DYNC1I1: variants seen among roughly 807,000 people sequenced by gnomAD.
DYNC1I1 encodes dynein cytoplasmic 1 intermediate chain 1.
Under a neutral mutation model 86.6 loss-of-function variants are expected in DYNC1I1, and 43 were observed. The observed-to-expected ratio is 0.50, with a 90% CI of 0.39 to 0.64. The LOEUF (loss-of-function observed/expected upper bound fraction) is 0.64. Among genes scored for constraint, DYNC1I1 ranks in the 30% least tolerant of loss-of-function variants. The pLI, the probability that DYNC1I1 is intolerant of heterozygous loss-of-function variation, is 0.00. For missense variants in DYNC1I1, 604 were observed against 788.8 expected (o/e 0.77, Z 2.81); for synonymous variants, 262 against 283.7 (o/e 0.92, Z 0.77).
At chr7:95,854,465 A>G (rs1322977217) in intron 5 of DYNC1I1, among the ~76,000 whole-genome samples, 1 of 152,098 alleles carries the variant, frequency 6.6e-6, no homozygotes, top group Non-Finnish European at 1.5e-5. Flanking sequence ...CTGTGTCACA[A>G]TATGTATTTT....
intron 10 of DYNC1I1, among the ~76,000 whole-genome samples, chr7:96,025,442 G>C (rs1022416828): frequency 1.3e-5 from 2 of 151,494 alleles, no homozygotes; most frequent in South Asian, 4.2e-4. Flanking sequence ...AAAAAAAAAA[G>C]TCTAATCTTA....
At chr7:96,075,747 G>T (rs992397385) in intron 14 of DYNC1I1, among the ~76,000 whole-genome samples, 1 of 152,140 alleles carries the variant, frequency 6.6e-6, no homozygotes, top group Non-Finnish European at 1.5e-5. Flanking sequence ...GTTGCCGGGC[G>T]AGAATTCCGA....
At chr7:96,075,826 C>A (rs1396205382) in intron 14 of DYNC1I1, among the ~76,000 whole-genome samples, 2 of 152,204 alleles carry the variant, frequency 1.3e-5, no homozygotes, top group East Asian at 3.9e-4. Context: ...ACCGCCTCCC[C>A]ACCCCCGGTC....
rs34423655 is a variant in DYNC1I1 at position 96,065,378 on chromosome 7, C to CTTTTTTTT, written c.1510-10669_1510-10662dup. ...CACTCTTTTCTTTTTTTCTTTCTTT[C>CTTTTTTTT]TTTTTTTTTTTTTTTTTGAGACAGG... On this transcript the variant is annotated intron_variant, in intron 14 of 16. Transcript: ENST00000447467. 1.1e-3 allele frequency among the ~76,000 whole-genome samples: 140 copies of CTTTTTTTT among 127,550 alleles called. 2 individuals carry two copies. The highest frequency in any genetic ancestry group is 2.3e-3 in the East Asian group (10 of 4,266). 83.7% of individuals were successfully genotyped at this position (127,550 alleles called of 152,430 possible).
chr7:95,781,881 G>A (rs1202890693), intron 1 of DYNC1I1, among the ~76,000 whole-genome samples: 5 of 152,284 alleles, frequency 3.3e-5, no homozygotes, highest in Non-Finnish European at 5.9e-5. Flanking sequence ...AACGCTGTCA[G>A]GGAAGGTGAA....
At chr7:95,889,747 A>C (rs1027051333) in intron 6 of DYNC1I1, among the ~76,000 whole-genome samples, 1 of 152,096 alleles carries the variant, frequency 6.6e-6, no homozygotes, top group Admixed American at 6.6e-5. Context: ...CAAATTTACA[A>C]CAACAACAAC....
At chr7:95,857,358 C>T (rs1441237340) in intron 5 of DYNC1I1, among the ~76,000 whole-genome samples, 1 of 152,142 alleles carries the variant, frequency 6.6e-6, no homozygotes, top group Admixed American at 6.5e-5. Context: ...GGATGAAGAT[C>T]ACCAATAAAA....
intron 10 of DYNC1I1, among the ~76,000 whole-genome samples, chr7:96,018,158 T>C (rs757669471): frequency 2.6e-5 from 4 of 152,180 alleles, no homozygotes; most frequent in East Asian, 3.9e-4. Flanking sequence ...CCACAAGCCC[T>C]CTCTGCCATC....
At chr7:95,865,991 G>T (rs1407203445) in intron 5 of DYNC1I1, among the ~76,000 whole-genome samples, 1 of 152,146 alleles carries the variant, frequency 6.6e-6, no homozygotes, top group Non-Finnish European at 1.5e-5. Context: ...CAGGAGGGGT[G>T]GTGGGATGGC....
chr7:95,963,338 C>A (rs1399997926), intron 6 of DYNC1I1, among the ~76,000 whole-genome samples: 1 of 152,170 alleles, frequency 6.6e-6, no homozygotes, highest in Non-Finnish European at 1.5e-5. Context: ...ATGCCAAATT[C>A]TTTGGCTTCA....
chr7:95,952,216 G>A (rs773336608), intron 6 of DYNC1I1, among the ~76,000 whole-genome samples: 22 of 150,610 alleles, frequency 1.5e-4, no homozygotes, highest in Non-Finnish European at 3.0e-4. Flanking sequence ...AGTCCTTCCC[G>A]CCCCAGATTA....
At chr7:96,007,107 CT>C (rs35002380) in intron 10 of DYNC1I1, among the ~76,000 whole-genome samples, 1 of 152,098 alleles carries the variant, frequency 6.6e-6, no homozygotes, top group Admixed American at 6.5e-5. Flanking sequence ...AGCAAGTACT[CT>C]TTTTTTCATA....
intron 16 of DYNC1I1, among the ~76,000 whole-genome samples, chr7:96,097,033 T>C (rs1026139145): frequency 2.0e-5 from 3 of 152,192 alleles, no homozygotes; most frequent in African/African-American, 7.2e-5. Flanking sequence ...GCTATTCTTT[T>C]GCCCTTCATA....
chr7:95,951,731 A>G (rs946977499), intron 6 of DYNC1I1, among the ~76,000 whole-genome samples: 1 of 152,188 alleles, frequency 6.6e-6, no homozygotes, highest in African/African-American at 2.4e-5. Flanking sequence ...GCACGCCTAC[A>G]CAGCAGATTT....
chr7:95,993,353 T>A (rs1793777370), intron 9 of DYNC1I1, among the ~76,000 whole-genome samples: 1 of 152,210 alleles, frequency 6.6e-6, no homozygotes, highest in African/African-American at 2.4e-5. Flanking sequence ...TAAATATTTT[T>A]AAATGGAAAA....
chr7:95,943,932 C>T (rs2116456430), intron 6 of DYNC1I1, among the ~76,000 whole-genome samples: 1 of 152,106 alleles, frequency 6.6e-6, no homozygotes, highest in East Asian at 1.9e-4. Flanking sequence ...TAGAAGAAAA[C>T]CTAGGCATTA....
chr7:95,875,033 G>C (rs1790272143), intron 6 of DYNC1I1, among the ~76,000 whole-genome samples: 1 of 152,158 alleles, frequency 6.6e-6, no homozygotes, highest in East Asian at 1.9e-4. Context: ...AACTCTCTCT[G>C]CCTCTTGACA....
At chr7:95,838,025 T>A (rs990917133) in intron 5 of DYNC1I1, among the ~76,000 whole-genome samples, 2 of 152,226 alleles carry the variant, frequency 1.3e-5, no homozygotes, top group African/African-American at 4.8e-5. Flanking sequence ...GTGCAGAAGC[T>A]TTTTAGCTTG....
At chr7:95,879,089 A>G (rs1790384252) in intron 6 of DYNC1I1, among the ~76,000 whole-genome samples, 1 of 152,208 alleles carries the variant, frequency 6.6e-6, no homozygotes, top group Admixed American at 6.5e-5. Context: ...AGAAATATAA[A>G]AGAAAGTTAT....
Sources: allele counts gnomAD v4.1 joint callset (sites outside exome capture counted in the v4.1 genomes callset), GRCh38; gene constraint gnomAD v4.1.1; transcripts MANE v1.5; gene names NCBI Gene and HGNC (gene_info 2026-07-23, HGNC 2026-07-21).